The following SLIT2 variants were observed in gnomAD, a reference collection of about 807,000 sequenced individuals.
The protein encoded by SLIT2 is slit homolog 2 protein.
A neutral mutation model predicts 185.7 loss-of-function variants in SLIT2; 41 were observed. The observed-to-expected ratio is 0.22, with a 90% confidence interval of 0.17 to 0.29. SLIT2 has a LOEUF of 0.29. SLIT2 is among the 10% of genes least tolerant of loss of function. The probability of loss-of-function intolerance (pLI) is 1.00; values close to 1 mark genes in which losing one functional copy is unlikely to be tolerated. For missense variants in SLIT2, 1,571 were observed against 1,909.0 expected (o/e 0.82, Z 3.30); for synonymous variants, 693 against 680.2 (o/e 1.02, Z -0.29).
In SLIT2 at chr4:20,340,771, T is replaced by A. The variant is rs1187899133; in HGVS notation, c.395+71890T>A. ...GCCCGCCACTAGACCCGGCTAATTT[T>A]TTGTATTTTTTGGTAGAGATGGGGT... On this transcript the variant is annotated intron_variant, in intron 4 of 36. Coordinates refer to ENST00000504154, the MANE Select transcript of SLIT2 (RefSeq NM_004787.4). 3.3e-5 allele frequency among the ~76,000 whole-genome samples: 5 copies of A among 152,148 alleles called. No homozygotes were observed. The South Asian group carries it at 1.0e-3, about 32-fold the overall frequency.
chr4:20,274,824 C>T lies in SLIT2; in HGVS notation c.395+5943C>T, dbSNP rs531220359. 2.6e-5 allele frequency among the ~76,000 whole-genome samples: 4 copies of T among 151,536 alleles called. No homozygotes were observed. The South Asian group carries it at 6.2e-4, about 24-fold the overall frequency. On this transcript the variant is annotated intron_variant, in intron 4 of 36. Transcript: ENST00000504154. ...ATGTTTCTAACTCCACCAACAAGTA[C>T]TTATGGACTGCCAACTTGAATTTGT...
chr4:20,517,513 T>C (rs188474423), intron 11 of SLIT2, among the ~76,000 whole-genome samples: 4 of 152,068 alleles, frequency 2.6e-5, no homozygotes, highest in Admixed American at 2.6e-4. Flanking sequence ...TTCTACCTTG[T>C]TCTGGACAAT....
At chr4:20,508,777 A>G (rs1170759127) in intron 9 of SLIT2, among the ~76,000 whole-genome samples, 1 of 152,082 alleles carries the variant, frequency 6.6e-6, no homozygotes, top group Admixed American at 6.6e-5. Flanking sequence ...GTGTCTCATC[A>G]AAGGGAAAAA....
intron 8 of SLIT2, chr4:20,490,837 G>C: frequency 6.6e-7 from 1 of 1,506,654 alleles, no homozygotes; most frequent in Non-Finnish European, 8.9e-7. Flanking sequence ...TTCTTTTTTA[G>C]ACCGAGGATA....
intron 4 of SLIT2, among the ~76,000 whole-genome samples, chr4:20,369,732 A>G (rs2109313875): frequency 6.6e-6 from 1 of 152,160 alleles, no homozygotes; most frequent in East Asian, 2.0e-4. Context: ...CTTTGGCATC[A>G]TGCTGTATAT....
intron 20 of SLIT2, among the ~76,000 whole-genome samples, chr4:20,542,179 T>C (rs987594425): frequency 6.6e-6 from 1 of 152,206 alleles, no homozygotes; most frequent in East Asian, 1.9e-4. Flanking sequence ...GTGCCGTTTC[T>C]CTGTAATTCA....
At chr4:20,551,226 C>G (rs1368386008) in intron 25 of SLIT2, among the ~76,000 whole-genome samples, 2 of 152,176 alleles carry the variant, frequency 1.3e-5, no homozygotes, top group African/African-American at 4.8e-5. Context: ...TTTTAATTAT[C>G]TATCCTAACC....
At chr4:20,511,967 G>T (rs1196585024) in intron 11 of SLIT2, among the ~76,000 whole-genome samples, 1 of 151,910 alleles carries the variant, frequency 6.6e-6, no homozygotes, top group Non-Finnish European at 1.5e-5. Flanking sequence ...TTAATGTCAA[G>T]AGAACCTTCG....
At chr4:20,404,094 T>C (rs992522012) in intron 4 of SLIT2, among the ~76,000 whole-genome samples, 5 of 151,980 alleles carry the variant, frequency 3.3e-5, no homozygotes, top group Non-Finnish European at 5.9e-5. Flanking sequence ...GTTGCATCAT[T>C]GTTTCATTAG....
intron 6 of SLIT2, 83 bp downstream of exon 6, chr4:20,480,870 A>G (rs1479962019): frequency 1.4e-5 from 14 of 981,450 alleles, no homozygotes; most frequent in Middle Eastern, 2.1e-4. Context: ...CTGCTAGCTT[A>G]AAACCTTGTT....
At chr4:20,470,084 T>C (rs1427269388) in intron 5 of SLIT2, among the ~76,000 whole-genome samples, 1 of 151,984 alleles carries the variant, frequency 6.6e-6, no homozygotes, top group Non-Finnish European at 1.5e-5. Context: ...TAAACAATAG[T>C]TATTTGGGTT....
At chr4:20,584,488 G>A (rs752017047) in intron 29 of SLIT2, among the ~76,000 whole-genome samples, 5 of 152,204 alleles carry the variant, frequency 3.3e-5, no homozygotes, top group Non-Finnish European at 7.3e-5. Flanking sequence ...CAATTACGTT[G>A]GGACAACGGG....
At position 20,618,823 on chromosome 4, in the gene SLIT2, T is replaced by C; in HGVS notation, c.4404T>C (p.Tyr1468=). 2.5e-6 allele frequency: 4 copies of C among 1,614,052 alleles called. No homozygotes were observed. The highest frequency in any genetic ancestry group is 3.4e-6 in the Non-Finnish European group (4 of 1,179,894). ...IRDYYQKQQG[Y]AACQTTKKVS... ...ATTATTACCAAAAGCAGCAGGGCTA[T>C]GCTGCTTGCCAAACAACCAAGAAGG... The change falls in exon 37 of 37, where the codon TAT becomes TAC. Residue 1468 remains tyrosine (Y), a synonymous_variant. Transcript: ENST00000504154.
At chr4:20,375,513 G>T (rs148560467) in intron 4 of SLIT2, among the ~76,000 whole-genome samples, 1 of 151,958 alleles carries the variant, frequency 6.6e-6, no homozygotes, top group African/African-American at 2.4e-5. Context: ...TATCTAAGTC[G>T]TATCACTTGA....
chr4:20,421,852 GTGCATGTGCATGCAAGAT>G (rs766138509), intron 4 of SLIT2, among the ~76,000 whole-genome samples: 49 of 152,122 alleles, frequency 3.2e-4, no homozygotes, highest in Non-Finnish European at 6.8e-4. Flanking sequence ...GACAGCACCT[GTGCATGTGCATGCAAGAT>G]TGCTTTTCAG....
At chr4:20,263,212 A>G (rs996693192) in intron 3 of SLIT2, among the ~76,000 whole-genome samples, 3 of 151,736 alleles carry the variant, frequency 2.0e-5, no homozygotes, top group Non-Finnish European at 4.4e-5. Context: ...TGGACTTCAT[A>G]TATATTGCCA....
intron 17 of SLIT2, among the ~76,000 whole-genome samples, chr4:20,532,482 C>T (rs1721896816): frequency 6.6e-6 from 1 of 152,026 alleles, no homozygotes; most frequent in Admixed American, 6.6e-5. Context: ...GGTAAACTGG[C>T]TTGATAGCTC....
intron 9 of SLIT2, among the ~76,000 whole-genome samples, chr4:20,499,951 A>G (rs1214977966): frequency 6.6e-6 from 1 of 152,180 alleles, no homozygotes; most frequent in Non-Finnish European, 1.5e-5. Flanking sequence ...CAGAATATCT[A>G]TCATGCTATG....
chr4:20,563,691 A>C (rs533765946), intron 26 of SLIT2, among the ~76,000 whole-genome samples: 2 of 149,238 alleles, frequency 1.3e-5, no homozygotes, highest in South Asian at 4.2e-4. Flanking sequence ...GCAAGATCTA[A>C]TTTGCCTTTG....
Sources: allele counts gnomAD v4.1 joint callset (sites outside exome capture counted in the v4.1 genomes callset), GRCh38; gene constraint gnomAD v4.1.1; transcripts MANE v1.5; gene names NCBI Gene and HGNC (gene_info 2026-07-23, HGNC 2026-07-21).